Variants in FAM168B observed in about 807,000 individuals in gnomAD.
FAM168B encodes myelin-associated neurite-outgrowth inhibitor.
A neutral mutation model predicts 21.8 loss-of-function variants in FAM168B; 19 were observed. That is an observed-to-expected ratio of 0.87 (90% CI 0.61 to 1.28). The LOEUF (loss-of-function observed/expected upper bound fraction) is 1.28. Ranked by LOEUF, FAM168B falls within the 50% of genes most tolerant of loss-of-function variation. The pLI is 0.00. For missense variants in FAM168B, 233 were observed against 263.1 expected, an observed-to-expected ratio of 0.89 and a Z score of 0.79; for synonymous variants, 126 against 104.8, an observed-to-expected ratio of 1.20 and a Z score of -1.24.
chr2:131,059,944 G>T (rs1692210494), intron 3 of FAM168B, among the ~76,000 whole-genome samples: 1 of 152,216 alleles, frequency 6.6e-6, no homozygotes, highest in Non-Finnish European at 1.5e-5. Context: ...CCATAAGGTG[G>T]TAACTGCTAA....
chr2:131,049,374 A>C lies in FAM168B; in HGVS notation c.*3091T>G. On this transcript the variant is annotated 3_prime_UTR_variant, in exon 7 of 7. Coordinates refer to ENST00000389915, the MANE Select transcript of FAM168B (RefSeq NM_001009993.4). ...TGCATAGCACTCAAGAAGGTTTCCCAGAATAGCGACAGGTAGGCCTACAAA... is the reference window on the plus strand; with the variant it reads ...TGCATAGCACTCAAGAAGGTTTCCCCGAATAGCGACAGGTAGGCCTACAAA... 1.0e-6 allele frequency: 1 copy of C among 985,518 alleles called. No homozygotes were observed. Among genetic ancestry groups the C allele is most frequent in the Non-Finnish European group, 1.2e-6 (1 of 829,990 alleles). 61.0% of individuals were successfully genotyped at this position (985,518 alleles called of 1,614,324 possible). A position where few individuals can be genotyped will look rare whatever the true frequency, so the allele number is the denominator to read the frequency against.
intron 1 of FAM168B, among the ~76,000 whole-genome samples, chr2:131,092,642 C>T (rs770489508): frequency 3.3e-5 from 5 of 152,232 alleles, no homozygotes; most frequent in East Asian, 1.9e-4. Context: ...CACTATAAAA[C>T]AGAAATACCC....
At chr2:131,055,744 G>T (rs78485427) in intron 3 of FAM168B, 49 bp from the exon 4 acceptor site, 3 of 1,592,900 alleles carry the variant, frequency 1.9e-6, no homozygotes, top group South Asian at 2.3e-5. Flanking sequence ...CGGTCCAGGC[G>T]CAGGGAGAGG....
Position 131,055,657 on chromosome 2 carries a change from G to A in FAM168B, c.193C>T (p.Pro65Ser). 6.2e-7 allele frequency: 1 copy of A among 1,613,756 alleles called. No homozygotes were observed. Among genetic ancestry groups the A allele is most frequent in the Non-Finnish European group, 8.5e-7 (1 of 1,179,824 alleles). The change falls in exon 4 of 7, where the codon CCC (proline) becomes TCC (serine). Residue 65 changes from proline to serine, a missense_variant. By Grantham distance (74) the Pro-to-Ser change is moderately conservative. Coordinates refer to ENST00000389915, the MANE Select transcript of FAM168B (RefSeq NM_001009993.4). ...TACGGTGGCACAGCCCCGCTGGTGG[G>A]GGAACAGGACACTTTGTAAGGTGTG... The part of the protein sequence containing the change: ...PGTPYKVSCS[P>S]TSGAVPPYSS...
At chr2:131,091,367 G>C (rs770345754) in intron 1 of FAM168B, among the ~76,000 whole-genome samples, 1 of 150,572 alleles carries the variant, frequency 6.6e-6, no homozygotes, top group Non-Finnish European at 1.5e-5. Flanking sequence ...AAAAAATAAA[G>C]CATATAGGCC....
At chr2:131,063,480 T>C (rs1173432287) in intron 3 of FAM168B, among the ~76,000 whole-genome samples, 1 of 152,224 alleles carries the variant, frequency 6.6e-6, no homozygotes, top group African/African-American at 2.4e-5. Context: ...TCCCTATCAA[T>C]TTAAGACTTA....
chr2:131,088,967 T>C (rs1253795657), intron 1 of FAM168B, among the ~76,000 whole-genome samples: 1 of 147,124 alleles, frequency 6.8e-6, no homozygotes, highest in Non-Finnish European at 1.5e-5. Context: ...GCGTACCACT[T>C]TTTTTTTTTT....
chr2:131,093,022 G>GT (rs1200660987), intron 1 of FAM168B, among the ~76,000 whole-genome samples, 192 bp downstream of exon 1: 1 of 151,494 alleles, frequency 6.6e-6, no homozygotes, highest in Non-Finnish European at 1.5e-5. Context: ...ACCTGCACGC[G>GT]TACGTGTCCG....
At position 131,055,667 on chromosome 2, in the gene FAM168B, C is replaced by T. The variant is rs1026024311; in HGVS notation, c.183G>A (p.Val61=). 5 of 1,613,670 alleles carry T rather than the reference C, an allele frequency of 3.1e-6. No homozygotes were observed. Among genetic ancestry groups the T allele is most frequent in the Middle Eastern group, 1.6e-4 (1 of 6,070 alleles). ...CAGCCCCGCTGGTGGGGGAACAGGA[C>T]ACTTTGTAAGGTGTGCCAGGAGTGT... ...TGYTPGTPYK[V]SCSPTSGAVP... The change falls in exon 4 of 7, where the codon GTG becomes GTA. Residue 61 remains valine (V), a synonymous_variant. Coordinates refer to ENST00000389915, the MANE Select transcript of FAM168B (RefSeq NM_001009993.4).
chr2:131,081,685 G>A (rs1014785680), intron 2 of FAM168B, among the ~76,000 whole-genome samples: 1 of 152,080 alleles, frequency 6.6e-6, no homozygotes, highest in Non-Finnish European at 1.5e-5. Flanking sequence ...ATTCCCTGTC[G>A]CAAGGGTCCT....
At chr2:131,063,357 G>T (rs888802028) in intron 3 of FAM168B, among the ~76,000 whole-genome samples, 10 of 152,140 alleles carry the variant, frequency 6.6e-5, no homozygotes, top group Non-Finnish European at 1.5e-4. Flanking sequence ...TGACTGTGAG[G>T]CTACGTTCTA....
At position 131,089,883 on chromosome 2, in the gene FAM168B, T is replaced by C. The variant is rs540175903; in HGVS notation, c.-12+3331A>G. Reference sequence around the variant, plus strand: ...CCCGTCTCTACTAAAAATACAAAAATTAGCCAGCGGTGGTGGTGCACACCT... The same window carrying C: ...CCCGTCTCTACTAAAAATACAAAAACTAGCCAGCGGTGGTGGTGCACACCT... On this transcript the variant is annotated intron_variant, in intron 1 of 6. Transcript: ENST00000389915. Among the ~76,000 whole-genome samples, 10 of 142,220 alleles carry C rather than the reference T, an allele frequency of 7.0e-5. No individual in the cohort carries two copies. In the South Asian group the frequency reaches 2.2e-3, roughly 31 times the overall value. The allele number at this position is 142,220 out of a possible 152,430, so 93.3% of individuals were successfully genotyped here. A position where few individuals can be genotyped will look rare whatever the true frequency, so the allele number is the denominator to read the frequency against.
chr2:131,055,234 T>A (rs774173481), intron 5 of FAM168B, 38 bp downstream of exon 5: 18 of 1,459,208 alleles, frequency 1.2e-5, no homozygotes, highest in Non-Finnish European at 1.6e-5. Context: ...AGCTCTAGGG[T>A]ACACCATAGG....
At chr2:131,061,681 C>T (rs961333242) in intron 3 of FAM168B, among the ~76,000 whole-genome samples, 1 of 151,834 alleles carries the variant, frequency 6.6e-6, no homozygotes, top group Non-Finnish European at 1.5e-5. Flanking sequence ...ACTCGGGAAG[C>T]TGAGGTGGGA....
chr2:131,089,939 G>T (rs1487863726), intron 1 of FAM168B, among the ~76,000 whole-genome samples: 1 of 151,850 alleles, frequency 6.6e-6, no homozygotes, highest in East Asian at 1.9e-4. Context: ...GGCCGAGGCA[G>T]GAGAATCACT....
intron 2 of FAM168B, among the ~76,000 whole-genome samples, chr2:131,076,457 T>C (rs11901660): frequency 0.22 from 32,982 of 151,578 alleles, 5,202 homozygotes; most frequent in African/African-American, 0.45. Context: ...GTCAGGAGAT[T>C]GAGACCACGA....
chr2:131,074,813 G>A (rs77722977), intron 2 of FAM168B, among the ~76,000 whole-genome samples: 15 of 152,010 alleles, frequency 9.9e-5, no homozygotes, highest in Middle Eastern at 3.2e-3. Context: ...GCCTCCCTTC[G>A]GCCCCCTCAG....
In FAM168B at chr2:131,050,673, G is replaced by GTACTTAC; in HGVS notation, c.*1785_*1791dup. 1 of 984,994 alleles carries GTACTTAC rather than the reference G, an allele frequency of 1.0e-6. No individual in the cohort carries two copies. The highest frequency in any genetic ancestry group is 4.7e-5 in the South Asian group (1 of 21,284). 61.0% of individuals were successfully genotyped at this position (984,994 alleles called of 1,614,324 possible). On this transcript the variant is annotated 3_prime_UTR_variant, in exon 7 of 7. Coordinates refer to ENST00000389915, the MANE Select transcript of FAM168B (RefSeq NM_001009993.4). Reference sequence around the variant, plus strand: ...GATGTGAAAAAGAAAATTATAAGAAGTACTTACTATAAAAAATAAGGTTAC... The same window carrying GTACTTAC: ...GATGTGAAAAAGAAAATTATAAGAAGTACTTACTACTTACTATAAAAAATAAGGTTAC...
At chr2:131,064,013 C>T (rs1298904703) in intron 3 of FAM168B, among the ~76,000 whole-genome samples, 1 of 152,140 alleles carries the variant, frequency 6.6e-6, no homozygotes. Context: ...TCATTCAGTG[C>T]TAGGTCTTTC....
Sources: gnomAD v4.1 joint callset for allele counts (sites outside exome capture counted in the v4.1 genomes callset) on GRCh38, gnomAD v4.1.1 for gene constraint, MANE v1.5 for transcripts, NCBI Gene and HGNC (gene_info 2026-07-23, HGNC 2026-07-21) for gene names.